Variants in CSTPP1 observed in about 807,000 individuals in gnomAD.
CSTPP1 encodes the protein UPF0705 protein C11orf49.
At chr11:47,047,085 G>C in the CSTPP1 span, among the ~76,000 whole-genome samples, 1 of 151,898 alleles carries the variant, frequency 6.6e-6, no homozygotes, top group Non-Finnish European at 1.5e-5. Context: ...ATTTTTAGTA[G>C]ATACAGGGTT....
the CSTPP1 span, among the ~76,000 whole-genome samples, chr11:47,011,963 A>G: frequency 6.6e-6 from 1 of 152,184 alleles, no homozygotes; most frequent in African/African-American, 2.4e-5. Context: ...GTAGCTTCAG[A>G]TAGTGATAAA....
the CSTPP1 span, among the ~76,000 whole-genome samples, chr11:47,025,627 C>A: frequency 6.6e-6 from 1 of 151,972 alleles, no homozygotes; most frequent in Non-Finnish European, 1.5e-5. Flanking sequence ...TGAGGTGGTA[C>A]TGAGGAAGGG....
At chr11:46,965,233 A>AT in the CSTPP1 span, among the ~76,000 whole-genome samples, 6 of 117,934 alleles carry the variant, frequency 5.1e-5, no homozygotes, top group South Asian at 6.6e-4. Flanking sequence ...TTTTTTTTTT[A>AT]TTTTTTTTTG....
chr11:47,044,569 C>CA, the CSTPP1 span, among the ~76,000 whole-genome samples: 2 of 151,954 alleles, frequency 1.3e-5, no homozygotes, highest in African/African-American at 4.8e-5. Flanking sequence ...TAAAAAGCTA[C>CA]AATGTATATC....
chr11:47,097,056 G>A, the CSTPP1 span, among the ~76,000 whole-genome samples: 2 of 150,312 alleles, frequency 1.3e-5, no homozygotes, highest in Non-Finnish European at 3.0e-5. Flanking sequence ...GAGATGGGGG[G>A]TCAGCCCCCC....
the CSTPP1 span, among the ~76,000 whole-genome samples, chr11:47,128,457 T>C: frequency 6.6e-6 from 1 of 152,132 alleles, no homozygotes; most frequent in Non-Finnish European, 1.5e-5. Flanking sequence ...TCATGGCTCA[T>C]TGCAGCCTTA....
the CSTPP1 span, among the ~76,000 whole-genome samples, chr11:47,078,470 C>T: frequency 1.3e-5 from 2 of 152,084 alleles, no homozygotes; most frequent in Non-Finnish European, 2.9e-5. Context: ...ATTAAGACAC[C>T]ACTTAGACAT....
the CSTPP1 span, among the ~76,000 whole-genome samples, chr11:46,998,057 G>T: frequency 6.6e-6 from 1 of 152,120 alleles, no homozygotes. Context: ...CTCAAACTCC[G>T]TGCTGGGAGA....
At chr11:47,000,578 G>T in the CSTPP1 span, among the ~76,000 whole-genome samples, 1 of 152,158 alleles carries the variant, frequency 6.6e-6, no homozygotes, top group Non-Finnish European at 1.5e-5. Flanking sequence ...AGGGAAAGAA[G>T]TACACAGACT....
the CSTPP1 span, among the ~76,000 whole-genome samples, chr11:47,069,508 A>G: frequency 6.6e-6 from 1 of 152,174 alleles, no homozygotes; most frequent in African/African-American, 2.4e-5. Context: ...TTTAATTTTA[A>G]GTTCCATTTT....
chr11:47,063,499 G>T, the CSTPP1 span, among the ~76,000 whole-genome samples: 1 of 151,952 alleles, frequency 6.6e-6, no homozygotes, highest in African/African-American at 2.4e-5. Context: ...TCCTCCTCCA[G>T]TCCCTAGAAA....
At chr11:47,122,511 G>A in the CSTPP1 span, among the ~76,000 whole-genome samples, 1 of 152,026 alleles carries the variant, frequency 6.6e-6, no homozygotes, top group East Asian at 1.9e-4. Context: ...CCACAGCTTT[G>A]TTAAGATACA....
At chr11:47,154,817 G>A in the CSTPP1 span, 27 of 337,408 alleles carry the variant, frequency 8.0e-5, no homozygotes, top group African/African-American at 5.5e-4. Flanking sequence ...TACTGCTTAA[G>A]TATATGAAAA....
chr11:47,036,662 A>ATTTGTTTTGT, the CSTPP1 span, among the ~76,000 whole-genome samples: 3 of 124,882 alleles, frequency 2.4e-5, 1 homozygote, highest in Admixed American at 1.8e-4. Flanking sequence ...GAGCTCATAG[A>ATTTGTTTTGT]TTTGTTTTGT....
chr11:46,948,380 C>T, the CSTPP1 span, among the ~76,000 whole-genome samples: 1 of 152,178 alleles, frequency 6.6e-6, no homozygotes, highest in Non-Finnish European at 1.5e-5. Context: ...TTCAGCCTGT[C>T]ATATGGAAGG....
At chr11:46,965,303 C>G in the CSTPP1 span, among the ~76,000 whole-genome samples, 1 of 142,494 alleles carries the variant, frequency 7.0e-6, no homozygotes, top group Non-Finnish European at 1.5e-5. Flanking sequence ...TCGGGTAACT[C>G]TACCTCCTCC....
the CSTPP1 span, among the ~76,000 whole-genome samples, chr11:47,043,913 T>C: frequency 6.6e-6 from 1 of 152,204 alleles, no homozygotes. Context: ...CTTTAAATTA[T>C]TCATTCTCTA....
chr11:47,067,907 G>A, the CSTPP1 span, among the ~76,000 whole-genome samples: 1 of 152,114 alleles, frequency 6.6e-6, no homozygotes, highest in East Asian at 1.9e-4. Context: ...GAAGTTGTGA[G>A]TATGGCCGTG....
At chr11:46,958,853 G>A in the CSTPP1 span, among the ~76,000 whole-genome samples, 2 of 152,146 alleles carry the variant, frequency 1.3e-5, no homozygotes, top group Non-Finnish European at 2.9e-5. Context: ...AAGATGAGAG[G>A]GAGAATTTGC....
Sources: allele counts gnomAD v4.1 joint callset (sites outside exome capture counted in the v4.1 genomes callset), GRCh38; gene constraint gnomAD v4.1.1; transcripts MANE v1.5; gene names NCBI Gene and HGNC (gene_info 2026-07-23, HGNC 2026-07-21).